CAD: variants seen among roughly 807,000 people sequenced by gnomAD.
The protein encoded by CAD is carbamoyl-phosphate synthetase 2, aspartate transcarbamylase, and dihydroorotase.
Under a neutral mutation model 237.2 loss-of-function variants are expected in CAD, and 81 were observed. The observed-to-expected ratio is 0.34, with a 90% CI of 0.29 to 0.41. The LOEUF is 0.41. Ranked by LOEUF, CAD falls within the 10% of genes least tolerant of loss-of-function variation. CAD has a pLI of 1.00. For synonymous variants in CAD, 1,196 were observed against 1,162.8 expected (o/e 1.03, Z -0.58); for missense variants, 2,181 against 2,951.7 (o/e 0.74, Z 6.05).
At chr2:27,219,508 A>G (rs1675048273) in intron 2 of CAD, among the ~76,000 whole-genome samples, 1 of 151,900 alleles carries the variant, frequency 6.6e-6, no homozygotes, top group South Asian at 2.1e-4. Flanking sequence ...ATGCCTGGCT[A>G]CTTTTTTTGT....
rs886171051 is a variant in CAD at position 27,222,764 on chromosome 2, A to G, written c.638-102A>G. The G allele has an allele frequency of 4.4e-6, 7 of 1,574,046 alleles. No individual in the cohort carries two copies. In the African/African-American group the frequency reaches 6.7e-5, roughly 15 times the overall value. On this transcript the variant is annotated intron_variant, in intron 5 of 43. Transcript: ENST00000264705. ...GTCAGTAGGAGTTGCAGTGAAGAAGATAGACATTGGGACTTAACACTCTCA... is the reference window on the plus strand; with the variant it reads ...GTCAGTAGGAGTTGCAGTGAAGAAGGTAGACATTGGGACTTAACACTCTCA...
rs377105311 is a variant in CAD at position 27,226,461 on chromosome 2, C to G, written c.2032-64C>G. 5.0e-6 allele frequency: 8 copies of G among 1,586,934 alleles called. No homozygotes were observed. The African/African-American group carries it at 8.1e-5, about 16-fold the overall frequency. On this transcript the variant is annotated intron_variant, in intron 13 of 43. Coordinates refer to ENST00000264705, the MANE Select transcript of CAD (RefSeq NM_004341.5). ...CTTCTTTACTAGGTTACTTTTCTCT[C>G]CTTTCTGAGACCTCTCCTAGACAGG...
rs1398856337 is a variant in CAD, at chr2:27,236,288, C to T, written c.4079C>T (p.Thr1360Ile). Residue 1360 changes from threonine (T) to isoleucine (I), a missense_variant, in exon 26 of 44, where the codon ACA becomes ATA. Thr to Ile is a moderately conservative substitution (Grantham distance 89, BLOSUM62 -1). Coordinates refer to ENST00000264705, the MANE Select transcript of CAD (RefSeq NM_004341.5). The surrounding 1 kb of genome is among the most constrained non-coding windows in gnomAD (Gnocchi z 4.1). The stretch of plus-strand genomic sequence containing the variant: ...ACCTTGACTCCGGGTTGGCAGGTAA[C>T]AGCTGTGGACTGGCACTTTGAGGAG... ...DFYTEHGVKV[T>I]AVDWHFEEAV... The T allele has an allele frequency of 1.6e-5, 26 of 1,613,348 alleles. No individual in the cohort carries two copies. The highest frequency in any genetic ancestry group is 2.1e-5 in the Non-Finnish European group (25 of 1,179,508).
At position 27,241,459 on chromosome 2, in the gene CAD, G is replaced by T; in HGVS notation, c.5883+63G>T. ...CCTGCCCTTGGGCCGCATCAGCGCA[G>T]GGCCGCGCAGTGGTCAGAGTGGGTC... is the stretch of plus-strand genomic sequence containing the variant. On this transcript the variant is annotated intron_variant, in intron 38 of 43. Transcript: ENST00000264705. This position sits in a 1 kb window ranked among gnomAD's most constrained non-coding sequence, Gnocchi z 4.6. 1 of 1,513,308 alleles carries T rather than the reference G, an allele frequency of 6.6e-7. No individual in the cohort carries two copies. Among genetic ancestry groups the T allele is most frequent in the Non-Finnish European group, 9.2e-7 (1 of 1,089,342 alleles). The allele number at this position is 1,513,308 out of a possible 1,614,324, so 93.7% of individuals were successfully genotyped here.
rs756275988 is a variant in CAD at position 27,239,458 on chromosome 2, A to G, written c.5381A>G (p.Tyr1794Cys). The G allele has an allele frequency of 4.3e-6, 7 of 1,613,722 alleles. No individual in the cohort carries two copies. The highest frequency in any genetic ancestry group is 5.9e-6 in the Non-Finnish European group (7 of 1,179,850). The change falls in exon 33 of 44, where the codon TAT (tyrosine) becomes TGT (cysteine). Residue 1794 changes from tyrosine (Y) to cysteine (C), a missense_variant. By Grantham distance (194) the Tyr-to-Cys change is radical. Coordinates refer to ENST00000264705, the MANE Select transcript of CAD (RefSeq NM_004341.5). The surrounding 1 kb of genome is among the most constrained non-coding windows in gnomAD (Gnocchi z 4.0). ...RRVVLRGEVA[Y>C]IDGQVLVPPG... Reference sequence around the variant, plus strand: ...GTGGTCCTGCGAGGGGAGGTTGCCTATATCGATGGGCAGGTACGCAAGTAG... The same window carrying G: ...GTGGTCCTGCGAGGGGAGGTTGCCTGTATCGATGGGCAGGTACGCAAGTAG...
chr2:27,235,238 C>A lies in CAD; in HGVS notation c.3787-7C>A, dbSNP rs754715511. ...TTGGCCCTCTCTCTTCCCTCCCGCC[C>A]CTTTAGGTGCCTCAGTTCTCCTTCT... is the stretch of plus-strand genomic sequence containing the variant. On this transcript the variant is annotated splice_region_variant and splice_polypyrimidine_tract_variant and intron_variant, in intron 23 of 43. Transcript: ENST00000264705. The surrounding 1 kb of genome is among the most constrained non-coding windows in gnomAD (Gnocchi z 5.2). 1.7e-4 allele frequency: 274 copies of A among 1,600,504 alleles called. No individual in the cohort carries two copies. Among genetic ancestry groups the A allele is most frequent in the East Asian group, 4.0e-4 (18 of 44,662 alleles).
intron 15 of CAD, among the ~76,000 whole-genome samples, chr2:27,228,613 C>T (rs1003498984): frequency 2.0e-5 from 3 of 152,100 alleles, no homozygotes; most frequent in Admixed American, 6.6e-5. Context: ...TTGTTTGAGA[C>T]GGATTTTCAT....
At position 27,217,401 on chromosome 2, in the gene CAD, G is replaced by T. The variant is rs1320645948; in HGVS notation, c.-151G>T. On this transcript the variant is annotated 5_prime_UTR_variant, in exon 1 of 44. Coordinates refer to ENST00000264705, the MANE Select transcript of CAD (RefSeq NM_004341.5). ...GCTGCTGCCGCCAAGCGCGCCCGAG[G>T]CTCCTACGCTGCCGCGCCCGGCTTC... 6 of 692,248 alleles carry T rather than the reference G, an allele frequency of 8.7e-6. No homozygotes were observed. The highest frequency in any genetic ancestry group is 6.5e-5 in the South Asian group (4 of 61,840). 42.9% of individuals were successfully genotyped at this position (692,248 alleles called of 1,614,324 possible).
intron 15 of CAD, among the ~76,000 whole-genome samples, chr2:27,228,395 C>G (rs888640179): frequency 1.3e-5 from 2 of 152,194 alleles, no homozygotes; most frequent in African/African-American, 4.8e-5. Context: ...CTCTACATAT[C>G]TGGAAATTTA....
intron 2 of CAD, 63 bp from the exon 3 acceptor site, chr2:27,221,155 C>T (rs1436299716): frequency 1.4e-5 from 20 of 1,424,964 alleles, no homozygotes; most frequent in East Asian, 7.5e-5. Context: ...GCCACACAAT[C>T]GGGAAAATGC....
Position 27,242,279 on chromosome 2 carries a change from C to A in CAD, c.6097-23C>A. The A allele has an allele frequency of 6.2e-7, 1 of 1,600,434 alleles. No homozygotes were observed. The highest frequency in any genetic ancestry group is 1.1e-5 in the South Asian group (1 of 90,020). ...TGGGGGGCCTCTGAGCTGCAAAAGACAGGATTTTCCCCTTTTTTCCAGCTG... is the reference window on the plus strand; with the variant it reads ...TGGGGGGCCTCTGAGCTGCAAAAGAAAGGATTTTCCCCTTTTTTCCAGCTG... On this transcript the variant is annotated intron_variant, in intron 39 of 43. Coordinates refer to ENST00000264705, the MANE Select transcript of CAD (RefSeq NM_004341.5). The surrounding 1 kb of genome is among the most constrained non-coding windows in gnomAD (Gnocchi z 6.4).
At position 27,222,240 on chromosome 2, in the gene CAD, T is replaced by C. The variant is rs1184388391; in HGVS notation, c.399T>C (p.Ser133=). The C allele has an allele frequency of 3.7e-6, 6 of 1,614,086 alleles. No individual in the cohort carries two copies. Among genetic ancestry groups the C allele is most frequent in the Middle Eastern group, 1.7e-4 (1 of 6,058 alleles). ...ELTKKLREQG[S]LLGKLVQNGT... ...CCAAGAAGTTGCGGGAACAGGGGTC[T>C]CTGCTGGGGAAGCTGGTCCAGAATG... Residue 133 remains serine (S), a synonymous_variant, in exon 4 of 44, where the codon TCT becomes TCC. Coordinates refer to ENST00000264705, the MANE Select transcript of CAD (RefSeq NM_004341.5).
intron 15 of CAD, among the ~76,000 whole-genome samples, chr2:27,230,704 C>T (rs1675706979): frequency 6.6e-6 from 1 of 151,908 alleles, no homozygotes; most frequent in Non-Finnish European, 1.5e-5. Flanking sequence ...ATGTGATTTG[C>T]TCTGCATGGA....
rs1675423676 is a variant in CAD, at chr2:27,225,833, C to G, written c.1749C>G (p.Ala583=). ...CTGCTCTCGTGGCCCCAGCTTTTGC[C>G]CATACCAGCCAAGTGCTAGTAGACA... ...ELSALVAPAF[A]HTSQVLVDKS... The change falls in exon 12 of 44, where the codon GCC becomes GCG. Residue 583 remains alanine (A), a synonymous_variant. Transcript: ENST00000264705. 6.2e-7 allele frequency: 1 copy of G among 1,614,076 alleles called. No individual in the cohort carries two copies. The highest frequency in any genetic ancestry group is 1.3e-5 in the African/African-American group (1 of 74,924).
In CAD at chr2:27,240,438, A is replaced by G. The variant is rs1676260270; in HGVS notation, c.5593+77A>G. 5 of 1,496,054 alleles carry G rather than the reference A, an allele frequency of 3.3e-6. No homozygotes were observed. Among genetic ancestry groups the G allele is most frequent in the Admixed American group, 3.4e-5 (2 of 59,532 alleles). 92.7% of individuals were successfully genotyped at this position (1,496,054 alleles called of 1,614,324 possible). A position where few individuals can be genotyped will look rare whatever the true frequency, so the allele number is the denominator to read the frequency against. On this transcript the variant is annotated intron_variant, in intron 35 of 43. Coordinates refer to ENST00000264705, the MANE Select transcript of CAD (RefSeq NM_004341.5). This position sits in a 1 kb window ranked among gnomAD's most constrained non-coding sequence, Gnocchi z 4.6. ...TCTTCCCAGTGCCTCGCCTTTCTCT[A>G]CTTACATGTCCTCCTCTCCATCCCT...
Position 27,223,900 on chromosome 2 carries a change from T to G in CAD, c.996-17T>G. On this transcript the variant is annotated splice_polypyrimidine_tract_variant and intron_variant, in intron 7 of 43. Transcript: ENST00000264705. ...CCAGGGACCATGATGGTTTTCATGA[T>G]GCAATCTCTTCAATAGTGTCCAGTT... 6.3e-7 allele frequency: 1 copy of G among 1,596,936 alleles called. No individual in the cohort carries two copies. Among genetic ancestry groups the G allele is most frequent in the South Asian group, 1.1e-5 (1 of 90,706 alleles).
rs377172759 is a variant in CAD at position 27,225,199 on chromosome 2, G to A, written c.1576G>A (p.Gly526Arg). Residue 526 changes from glycine to arginine, a missense_variant, in exon 11 of 44, where the codon GGA (glycine) becomes AGA (arginine). Transcript: ENST00000264705. ...CTTTGCTGCCAGAATGGCAGAGATC[G>A]GAGAGCATGTGGCCCCGAGCGAGGC... ...RAFAARMAEI[G>R]EHVAPSEAAN... The A allele has an allele frequency of 1.8e-5, 29 of 1,613,990 alleles. No homozygotes were observed. Among genetic ancestry groups the A allele is most frequent in the Admixed American group, 3.3e-5 (2 of 59,998 alleles).
At chr2:27,234,486 G>A (rs745523373) in intron 22 of CAD, 32 bp from the exon 23 acceptor site, 4 of 1,607,058 alleles carry the variant, frequency 2.5e-6, no homozygotes, top group Non-Finnish European at 3.4e-6. Context: ...AGGCCAACCT[G>A]CAGAAGGCCT....
In CAD at chr2:27,243,195, C is replaced by T; in HGVS notation, c.6481-3C>T. 2 of 1,613,920 alleles carry T rather than the reference C, an allele frequency of 1.2e-6. No individual in the cohort carries two copies. Among genetic ancestry groups the T allele is most frequent in the Non-Finnish European group, 1.7e-6 (2 of 1,179,874 alleles). On this transcript the variant is annotated splice_region_variant and splice_polypyrimidine_tract_variant and intron_variant, in intron 42 of 43. Coordinates refer to ENST00000264705, the MANE Select transcript of CAD (RefSeq NM_004341.5). ...ACTAATGGGGACCCCATCTGCTTTG[C>T]AGTGCTTTGGTCAGTTCATCCTCAC...
Sources: allele counts gnomAD v4.1 joint callset (sites outside exome capture counted in the v4.1 genomes callset), GRCh38; gene constraint gnomAD v4.1.1; non-coding constraint Gnocchi (gnomAD v3.1); transcripts MANE v1.5; gene names NCBI Gene and HGNC (gene_info 2026-07-23, HGNC 2026-07-21).